Variants in PLOD2 observed in about 807,000 individuals in gnomAD.
The protein encoded by PLOD2 is procollagen-lysine,2-oxoglutarate 5-dioxygenase 2, also known as lysine hydroxylase 2.
PLOD2 carries 65 observed loss-of-function variants against 101.0 expected under a neutral mutation model. That is an observed-to-expected ratio of 0.64 (90% CI 0.53 to 0.79). The LOEUF (loss-of-function observed/expected upper bound fraction) is 0.79, where lower values mean the gene tolerates loss of function less well. PLOD2 is among the 30% of genes least tolerant of loss of function. The pLI is 0.00. For missense variants in PLOD2, 909 were observed against 914.6 expected, an observed-to-expected ratio of 0.99 and a Z score of 0.08; for synonymous variants, 314 against 302.9, an observed-to-expected ratio of 1.04 and a Z score of -0.38.
At chr3:146,087,766 A>G (rs1015903663) in intron 9 of PLOD2, among the ~76,000 whole-genome samples, 5 of 151,926 alleles carry the variant, frequency 3.3e-5, no homozygotes, top group Middle Eastern at 3.2e-3. Context: ...ATACATAAAA[A>G]CAAAATACTT....
chr3:146,102,907 C>G (rs1559849860), intron 6 of PLOD2, 55 bp from the exon 7 acceptor site: 4 of 893,832 alleles, frequency 4.5e-6, no homozygotes, highest in Non-Finnish European at 7.5e-6. Flanking sequence ...GTGTGTGTGT[C>G]TGTATTCGTG....
chr3:146,147,514 T>A (rs1230072025), intron 1 of PLOD2, among the ~76,000 whole-genome samples: 1 of 152,174 alleles, frequency 6.6e-6, no homozygotes, highest in African/African-American at 2.4e-5. Context: ...TGGGGCCAGA[T>A]AATTCTTTCT....
intron 3 of PLOD2, among the ~76,000 whole-genome samples, chr3:146,114,125 C>A (rs186781477): frequency 6.6e-6 from 1 of 152,276 alleles, no homozygotes; most frequent in East Asian, 1.9e-4. Context: ...CTCTCAAACC[C>A]TGTCTCCTGA....
intron 5 of PLOD2, 53 bp from the exon 6 acceptor site, chr3:146,104,395 A>T: frequency 2.3e-6 from 2 of 872,482 alleles, no homozygotes; most frequent in Admixed American, 1.7e-5. Flanking sequence ...AACAGCAAAC[A>T]TTCCTATCAT....
intron 5 of PLOD2, among the ~76,000 whole-genome samples, chr3:146,105,475 T>C (rs1188227956): frequency 1.3e-5 from 2 of 152,220 alleles, no homozygotes; most frequent in Admixed American, 6.5e-5. Context: ...ACCAGGGCTT[T>C]TGGCTTCAAT....
chr3:146,114,807 T>C (rs889606403), intron 3 of PLOD2, among the ~76,000 whole-genome samples: 3 of 151,848 alleles, frequency 2.0e-5, no homozygotes, highest in Non-Finnish European at 4.4e-5. Context: ...CAGGGTAGAG[T>C]CACAGAGGAT....
rs1414018423 is a variant in PLOD2, at chr3:146,070,233, A to C, written c.*484T>G. 6.5e-6 allele frequency: 1 copy of C among 153,434 alleles called. No individual in the cohort carries two copies. Among genetic ancestry groups the C allele is most frequent in the Non-Finnish European group, 1.4e-5 (1 of 69,028 alleles). 9.5% of individuals were successfully genotyped at this position (153,434 alleles called of 1,614,324 possible). A position where few individuals can be genotyped will look rare whatever the true frequency, so the allele number is the denominator to read the frequency against. On this transcript the variant is annotated 3_prime_UTR_variant, in exon 20 of 20. Transcript: ENST00000282903. Reference sequence around the variant, plus strand: ...GTAAATAAGACCTGCATAGGTGTTCAGAAAAATACTTAGTTGCATACAAAT... The same window carrying C: ...GTAAATAAGACCTGCATAGGTGTTCCGAAAAATACTTAGTTGCATACAAAT...
At chr3:146,146,566 G>T (rs2031790076) in intron 1 of PLOD2, among the ~76,000 whole-genome samples, 1 of 152,148 alleles carries the variant, frequency 6.6e-6, no homozygotes, top group South Asian at 2.1e-4. Flanking sequence ...CAGACATATG[G>T]ACAGCAGCAA....
intron 1 of PLOD2, among the ~76,000 whole-genome samples, chr3:146,140,593 A>G (rs925586019): frequency 2.0e-5 from 3 of 152,144 alleles, no homozygotes; most frequent in African/African-American, 7.2e-5. Flanking sequence ...AGAAATACAC[A>G]ATACGCTTTA....
At chr3:146,157,733 G>A (rs1044073192) in intron 1 of PLOD2, among the ~76,000 whole-genome samples, 21 of 152,234 alleles carry the variant, frequency 1.4e-4, no homozygotes, top group African/African-American at 4.8e-4. Flanking sequence ...TATGTCTGTT[G>A]TCATGTGAAA....
intron 7 of PLOD2, among the ~76,000 whole-genome samples, chr3:146,095,433 T>C (rs1160969827): frequency 6.6e-6 from 1 of 151,164 alleles, no homozygotes; most frequent in Non-Finnish European, 1.5e-5. Flanking sequence ...AGAAGACATT[T>C]ATGTGGCCAA....
chr3:146,071,521 A>G, intron 17 of PLOD2, 98 bp from the exon 18 acceptor site: 2 of 1,143,212 alleles, frequency 1.7e-6, no homozygotes, highest in Non-Finnish European at 2.6e-6. Context: ...AATAGACAAT[A>G]AAAATAACAG....
intron 9 of PLOD2, 116 bp from the exon 10 acceptor site, chr3:146,087,024 A>G: frequency 1.9e-6 from 1 of 530,034 alleles, no homozygotes; most frequent in Non-Finnish European, 3.2e-6. Flanking sequence ...CAGATATTCA[A>G]TTACATATAA....
chr3:146,160,293 T>C (rs780825346), intron 1 of PLOD2, among the ~76,000 whole-genome samples: 1 of 152,216 alleles, frequency 6.6e-6, no homozygotes, highest in Non-Finnish European at 1.5e-5. Context: ...GGAGCAGCTG[T>C]GTGTCCACAG....
At chr3:146,150,763 ATTAAT>A (rs1283526540) in intron 1 of PLOD2, among the ~76,000 whole-genome samples, 1 of 152,218 alleles carries the variant, frequency 6.6e-6, no homozygotes, top group East Asian at 1.9e-4. Context: ...CATAATTGTT[ATTAAT>A]TTATTTGACT....
intron 1 of PLOD2, among the ~76,000 whole-genome samples, chr3:146,153,680 G>T (rs1162400940): frequency 3.3e-5 from 5 of 152,028 alleles, no homozygotes; most frequent in African/African-American, 1.2e-4. Flanking sequence ...CCTGTGGGAG[G>T]GTCAAGCTGT....
intron 7 of PLOD2, 55 bp from the exon 8 acceptor site, chr3:146,091,956 T>C: frequency 1.1e-6 from 1 of 917,134 alleles, no homozygotes; most frequent in Non-Finnish European, 1.8e-6. Context: ...TCGGTGTGGT[T>C]TCATTCTATA....
chr3:146,114,158 C>T (rs534497795), intron 3 of PLOD2, among the ~76,000 whole-genome samples: 18 of 152,242 alleles, frequency 1.2e-4, no homozygotes, highest in African/African-American at 4.1e-4. Flanking sequence ...AATGACAATG[C>T]ATACCCGAAA....
chr3:146,106,075 G>A (rs57085945), intron 5 of PLOD2, among the ~76,000 whole-genome samples: 1,572 of 152,226 alleles, frequency 0.01, 34 homozygotes, highest in African/African-American at 0.036. Context: ...TTTCATTATT[G>A]TCTCTTTAAA....
Sources: allele counts gnomAD v4.1 joint callset (sites outside exome capture counted in the v4.1 genomes callset), GRCh38; gene constraint gnomAD v4.1.1; transcripts MANE v1.5; gene names NCBI Gene and HGNC (gene_info 2026-07-23, HGNC 2026-07-21).